The following ERC1 variants were observed in gnomAD, a reference collection of about 807,000 sequenced individuals.
ERC1 encodes the protein RAB6 interacting protein 2.
In ERC1, 56 loss-of-function variants were observed where a neutral mutation model predicts 132.0. The observed-to-expected ratio is 0.42, with a 90% CI of 0.34 to 0.53. ERC1 has a LOEUF of 0.53. Among genes scored for constraint, ERC1 ranks in the 20% least tolerant of loss-of-function variants. The pLI, the probability that ERC1 is intolerant of heterozygous loss-of-function variation, is 0.03. For missense variants in ERC1, 1,202 were observed against 1,349.9 expected (o/e 0.89, Z 1.72); for synonymous variants, 478 against 476.1 (o/e 1.00, Z -0.05).
In ERC1 at chr12:1,101,713, G is replaced by A. The variant is rs148199132; in HGVS notation, c.1087-3037G>A. 4.6e-5 allele frequency among the ~76,000 whole-genome samples: 7 copies of A among 152,256 alleles called. No homozygotes were observed. In the East Asian group the frequency reaches 1.2e-3, roughly 25 times the overall value. The stretch of plus-strand genomic sequence containing the variant: ...CTAAGGAATTCAGATATCACACGGC[G>A]AGGAAGAGTGATGAATGCCTGCCAC... On this transcript the variant is annotated intron_variant, in intron 3 of 18. Transcript: ENST00000360905.
chr12:1,263,027 T>C lies in ERC1; in HGVS notation c.2488-7T>C. Reference sequence around the variant, plus strand: ...TCCACTTCACCTAGTCTTCCATCATTTTCTAGGACAGTCTCCGTAAGAAGG... The same window carrying C: ...TCCACTTCACCTAGTCTTCCATCATCTTCTAGGACAGTCTCCGTAAGAAGG... On this transcript the variant is annotated splice_polypyrimidine_tract_variant and splice_region_variant and intron_variant, in intron 13 of 18. Coordinates refer to ENST00000360905, the MANE Select transcript of ERC1 (RefSeq NM_178040.4). The C allele has an allele frequency of 6.2e-7, 1 of 1,613,552 alleles. No individual in the cohort carries two copies. Among genetic ancestry groups the C allele is most frequent in the Non-Finnish European group, 8.5e-7 (1 of 1,179,748 alleles).
At chr12:1,434,018 G>A (rs1408388692) in intron 17 of ERC1, among the ~76,000 whole-genome samples, 2 of 151,368 alleles carry the variant, frequency 1.3e-5, no homozygotes, top group Non-Finnish European at 2.9e-5. Flanking sequence ...TCCCTGGTAG[G>A]AGAACCAGGG....
rs56939346 is a variant in ERC1, at chr12:1,493,548, A to AAAAAAAAAAAAAT, written c.*3319_*3320insAAAAAAAAAAATA. 2.2e-4 allele frequency: 3 copies of AAAAAAAAAAAAAT among 13,618 alleles called. No homozygotes were observed. Among genetic ancestry groups the AAAAAAAAAAAAAT allele is most frequent in the African/African-American group, 6.6e-4 (3 of 4,554 alleles). 0.8% of individuals were successfully genotyped at this position (13,618 alleles called of 1,614,324 possible). ...ACTCCATTTAAAAAAAAAAAAAAAAAATATATATATATATATATATATATA... is the reference window on the plus strand; with the variant it reads ...ACTCCATTTAAAAAAAAAAAAAAAAAAAAAAAAAAAAATATATATATATATATATATATATATA... On this transcript the variant is annotated 3_prime_UTR_variant, in exon 19 of 19. Transcript: ENST00000360905.
At chr12:1,346,895 T>C (rs1467416290) in intron 15 of ERC1, among the ~76,000 whole-genome samples, 1 of 145,190 alleles carries the variant, frequency 6.9e-6, no homozygotes, top group Non-Finnish European at 1.5e-5. Context: ...TGAGCCGAGA[T>C]TGCGCCACTG....
intron 12 of ERC1, among the ~76,000 whole-genome samples, chr12:1,196,973 TA>T (rs1566215259): frequency 2.3e-4 from 16 of 68,584 alleles, no homozygotes; most frequent in Non-Finnish European, 3.8e-4. Flanking sequence ...TATATATATA[TA>T]TATTTTTTTT....
At chr12:1,330,944 C>T (rs74971288) in intron 15 of ERC1, among the ~76,000 whole-genome samples, 3,767 of 152,250 alleles carry the variant, frequency 0.025, 75 homozygotes, top group South Asian at 0.087. Context: ...CAGCTACATT[C>T]AATGTACTGT....
intron 1 of ERC1, among the ~76,000 whole-genome samples, chr12:1,026,259 C>T (rs1023288742): frequency 6.6e-6 from 1 of 152,278 alleles, no homozygotes; most frequent in South Asian, 2.1e-4. Flanking sequence ...ATGAGACGCA[C>T]TCACTACCAC....
In ERC1 at chr12:1,138,095, C is replaced by CATATTATAATATAATTATATATAATA. The variant is rs1335867512; in HGVS notation, c.1570-3525_1570-3524insATATTATAATATAATTATATATAATA. Reference sequence around the variant, plus strand: ...TTTTATATTATATATAATATATAATCCATATTATAATATAATTATATTTAA... The same window carrying CATATTATAATATAATTATATATAATA: ...TTTTATATTATATATAATATATAATCATATTATAATATAATTATATATAATACATATTATAATATAATTATATTTAA... On this transcript the variant is annotated intron_variant, in intron 7 of 18. Transcript: ENST00000360905. Among the ~76,000 whole-genome samples, 497 of 121,624 alleles carry CATATTATAATATAATTATATATAATA rather than the reference C, an allele frequency of 4.1e-3. 6 individuals are homozygous for CATATTATAATATAATTATATATAATA. The highest frequency in any genetic ancestry group is 6.5e-3 in the South Asian group (29 of 4,440). 79.8% of individuals were successfully genotyped at this position (121,624 alleles called of 152,430 possible).
chr12:1,447,731 G>C (rs11837792), intron 18 of ERC1, among the ~76,000 whole-genome samples: 14,903 of 151,824 alleles, frequency 0.098, 2,385 homozygotes, highest in African/African-American at 0.34. Flanking sequence ...CTCACTGCAA[G>C]CTCCACCTCT....
chr12:1,321,989 T>G (rs552583236), intron 15 of ERC1, among the ~76,000 whole-genome samples: 2 of 152,270 alleles, frequency 1.3e-5, no homozygotes, highest in East Asian at 3.9e-4. Flanking sequence ...TTTCCATCTT[T>G]CCATACCACG....
intron 17 of ERC1, among the ~76,000 whole-genome samples, chr12:1,441,964 G>C (rs1425228591): frequency 2.0e-5 from 3 of 152,158 alleles, no homozygotes. Flanking sequence ...GTCTCACTCT[G>C]TCGCCCTGGC....
intron 1 of ERC1, among the ~76,000 whole-genome samples, chr12:1,016,189 G>T (rs956391474): frequency 2.0e-5 from 3 of 152,028 alleles, no homozygotes; most frequent in African/African-American, 7.3e-5. Flanking sequence ...TGAGATTTAT[G>T]TCAGAATTTC....
chr12:1,466,556 A>G (rs2093747245), intron 18 of ERC1, among the ~76,000 whole-genome samples: 1 of 152,104 alleles, frequency 6.6e-6, no homozygotes, highest in Non-Finnish European at 1.5e-5. Context: ...GGTAATTGTT[A>G]AGGGTTTCAA....
chr12:1,231,487 C>A (rs2075034942), intron 12 of ERC1, among the ~76,000 whole-genome samples: 1 of 151,928 alleles, frequency 6.6e-6, no homozygotes, highest in Admixed American at 6.6e-5. Flanking sequence ...CTGAATTTGA[C>A]TGTATATTTA....
chr12:1,244,226 G>A (rs1195423769), intron 13 of ERC1, among the ~76,000 whole-genome samples: 3 of 152,136 alleles, frequency 2.0e-5, no homozygotes, highest in Non-Finnish European at 4.4e-5. Flanking sequence ...TCACACAATC[G>A]TAATCGAATG....
chr12:1,341,792 C>T (rs1257723218), intron 15 of ERC1, among the ~76,000 whole-genome samples: 1 of 152,092 alleles, frequency 6.6e-6, no homozygotes. Flanking sequence ...TACACATACC[C>T]TAGAACTTAA....
intron 2 of ERC1, among the ~76,000 whole-genome samples, chr12:1,028,834 C>A (rs1484537206): frequency 4.7e-5 from 7 of 149,764 alleles, no homozygotes; most frequent in Non-Finnish European, 8.9e-5. Flanking sequence ...CGTGTCTTTC[C>A]TTTCAGCATA....
At chr12:1,137,167 C>T (rs1428356748) in intron 7 of ERC1, among the ~76,000 whole-genome samples, 6 of 145,304 alleles carry the variant, frequency 4.1e-5, no homozygotes, top group African/African-American at 1.3e-4. Flanking sequence ...GGCACCATCT[C>T]GGCTCGCTGC....
chr12:1,001,299 C>A (rs917494653), intron 1 of ERC1, among the ~76,000 whole-genome samples: 32 of 152,204 alleles, frequency 2.1e-4, no homozygotes, highest in Non-Finnish European at 2.9e-5. Flanking sequence ...TTCAAATGAT[C>A]CTCCTGTCTT....
Sources: gnomAD v4.1 joint callset for allele counts (sites outside exome capture counted in the v4.1 genomes callset) on GRCh38, gnomAD v4.1.1 for gene constraint, MANE v1.5 for transcripts, NCBI Gene and HGNC (gene_info 2026-07-23, HGNC 2026-07-21) for gene names.